Variants in FGF5 observed in about 807,000 individuals in gnomAD.
FGF5 encodes the protein heparin-binding growth factor 5.
Under a neutral mutation model 21.8 loss-of-function variants are expected in FGF5, and 23 were observed. The ratio of observed to expected loss-of-function variants is 1.05; its 90% CI spans 0.76 to 1.49. The LOEUF is 1.49. FGF5 is among the 40% of genes most tolerant of loss of function. FGF5 has a pLI of 0.00. For missense variants in FGF5, 352 were observed against 332.9 expected (o/e 1.06, Z -0.45); for synonymous variants, 158 against 124.0 (o/e 1.27, Z -1.82).
At chr4:80,268,435 C>T (rs35727005) in intron 1 of FGF5, 76,917 of 970,412 alleles carry the variant, frequency 0.079, 3,287 homozygotes, top group Non-Finnish European at 0.087. Flanking sequence ...CTAACTTGCT[C>T]CATCTCAGAC....
chr4:80,271,016 A>G (rs1165365535), intron 1 of FGF5, among the ~76,000 whole-genome samples: 2 of 152,246 alleles, frequency 1.3e-5, no homozygotes, highest in Non-Finnish European at 2.9e-5. Context: ...TTCAGATTTC[A>G]TAACTTGGCA....
At chr4:80,282,785 G>A (rs181409212) in intron 2 of FGF5, among the ~76,000 whole-genome samples, 1 of 151,180 alleles carries the variant, frequency 6.6e-6, no homozygotes, top group Non-Finnish European at 1.5e-5. Flanking sequence ...AATTTCAGGG[G>A]TTTTTTTTCT....
rs1720855145 is a variant in FGF5 at position 80,290,269 on chromosome 4, A to T, written c.*3597A>T. 6.6e-6 allele frequency: 1 copy of T among 152,220 alleles called. No homozygotes were observed. The allele number at this position is 152,220 out of a possible 1,614,324, so 9.4% of individuals were successfully genotyped here. On this transcript the variant is annotated 3_prime_UTR_variant, in exon 3 of 3. Transcript: ENST00000312465. ...TACATCTAAATTCTGATAATTTAAA[A>T]TCCATTTTAGGTGATAAAATTTTTT...
In FGF5 at chr4:80,279,283, A is replaced by T. The variant is rs186015802; in HGVS notation, c.459+4271A>T. Among the ~76,000 whole-genome samples, 298 of 152,372 alleles carry T rather than the reference A, an allele frequency of 2.0e-3. 1 individual carries two copies. The highest frequency in any genetic ancestry group is 3.7e-3 in the Admixed American group (57 of 15,302). ...AATTAAAGTCACAATCTATTGGGAT[A>T]GTTAAGTGTTTTAAACAAGATAATA... is the stretch of plus-strand genomic sequence containing the variant. On this transcript the variant is annotated intron_variant, in intron 2 of 2. Transcript: ENST00000312465.
chr4:80,271,475 C>T (rs1251070924), intron 1 of FGF5, among the ~76,000 whole-genome samples: 1 of 152,138 alleles, frequency 6.6e-6, no homozygotes, highest in Non-Finnish European at 1.5e-5. Context: ...AAATAACACA[C>T]TGTCTGTAGC....
intron 2 of FGF5, among the ~76,000 whole-genome samples, chr4:80,281,570 G>C (rs1315058552): frequency 1.3e-5 from 2 of 152,040 alleles, no homozygotes; most frequent in Admixed American, 6.6e-5. Context: ...GGTTTATACT[G>C]GTGTCTGTTC....
rs1028201656 is a variant in FGF5 at position 80,266,908 on chromosome 4, C to T, written c.84C>T (p.Pro28=). 11 of 1,614,048 alleles carry T rather than the reference C, an allele frequency of 6.8e-6. No individual in the cohort carries two copies. The South Asian group carries it at 8.8e-5, about 13-fold the overall frequency. The part of the protein sequence containing the change: ...AWAHGEKRLA[P]KGQPGPAATD... ...CTCACGGGGAGAAGCGTCTCGCCCC[C>T]AAAGGGCAACCCGGACCCGCTGCCA... The change falls in exon 1 of 3, where the codon CCC becomes CCT. Residue 28 remains proline, a synonymous_variant. Coordinates refer to ENST00000312465, the MANE Select transcript of FGF5 (RefSeq NM_004464.4).
intron 2 of FGF5, among the ~76,000 whole-genome samples, chr4:80,280,388 T>A (rs1307188448): frequency 6.6e-6 from 1 of 152,212 alleles, no homozygotes; most frequent in African/African-American, 2.4e-5. Context: ...AAGTGAGACA[T>A]GGTAATATAT....
intron 1 of FGF5, among the ~76,000 whole-genome samples, chr4:80,267,978 A>G (rs879710078): frequency 6.6e-6 from 1 of 152,234 alleles, no homozygotes; most frequent in Admixed American, 6.5e-5. Flanking sequence ...CCCCAAGAAC[A>G]GTTAGGGGAA....
chr4:80,270,330 CAT>C (rs2109917443), intron 1 of FGF5, among the ~76,000 whole-genome samples: 1 of 151,570 alleles, frequency 6.6e-6, no homozygotes, highest in East Asian at 1.9e-4. Flanking sequence ...AACAGATAAT[CAT>C]ATGTGTTTCG....
At chr4:80,267,201 A>C in intron 1 of FGF5, 22 bp downstream of exon 1, 1 of 1,564,140 alleles carries the variant, frequency 6.4e-7, no homozygotes, top group East Asian at 2.3e-5. Context: ...GCTCTCCTAC[A>C]AAACCCGTCC....
At position 80,290,542 on chromosome 4, in the gene FGF5, T is replaced by G. The variant is rs1228862366; in HGVS notation, c.*3870T>G. On this transcript the variant is annotated 3_prime_UTR_variant, in exon 3 of 3. Coordinates refer to ENST00000312465, the MANE Select transcript of FGF5 (RefSeq NM_004464.4). ...TACATCTAAGAATTTTTTTTTAAAT[T>G]TTATTATTATTATACTTCAAGTTCT... The G allele has an allele frequency of 6.6e-6, 1 of 151,912 alleles. No individual in the cohort carries two copies. The highest frequency in any genetic ancestry group is 2.4e-5 in the African/African-American group (1 of 41,354). 9.4% of individuals were successfully genotyped at this position (151,912 alleles called of 1,614,324 possible).
chr4:80,285,981 A>G (rs1720702210), intron 2 of FGF5, among the ~76,000 whole-genome samples: 1 of 152,170 alleles, frequency 6.6e-6, no homozygotes, highest in African/African-American at 2.4e-5. Context: ...GAAAAACAGT[A>G]TGTAAAAAGA....
chr4:80,271,949 G>C (rs1041526665), intron 1 of FGF5, among the ~76,000 whole-genome samples: 9 of 152,166 alleles, frequency 5.9e-5, no homozygotes, highest in African/African-American at 1.9e-4. Context: ...AAATCAATAG[G>C]CCTGTGATGT....
chr4:80,266,642 C>T (rs908474676), upstream of FGF5: 2 of 591,252 alleles, frequency 3.4e-6, no homozygotes, highest in African/African-American at 3.7e-5. Context: ...TTATAAATAT[C>T]CCGGTGCCAG....
At chr4:80,268,882 A>G (rs1720191554) in intron 1 of FGF5, among the ~76,000 whole-genome samples, 1 of 152,264 alleles carries the variant, frequency 6.6e-6, no homozygotes, top group Non-Finnish European at 1.5e-5. Context: ...GATAAAGGGC[A>G]AGATCTGTTG....
At chr4:80,283,598 C>A in intron 2 of FGF5, among the ~76,000 whole-genome samples, 1 of 152,056 alleles carries the variant, frequency 6.6e-6, no homozygotes. Flanking sequence ...CATGTTCTTT[C>A]TTTATTTTCT....
intron 2 of FGF5, among the ~76,000 whole-genome samples, chr4:80,282,831 A>G (rs1054843062): frequency 2.6e-5 from 4 of 152,162 alleles, no homozygotes; most frequent in Admixed American, 1.3e-4. Context: ...TTAAAAGTGT[A>G]TATTTTATTA....
chr4:80,282,200 G>T (rs1330036197), intron 2 of FGF5, among the ~76,000 whole-genome samples: 4 of 152,116 alleles, frequency 2.6e-5, no homozygotes, highest in Admixed American at 6.6e-5. Context: ...GACCTCAAAA[G>T]ATCCACCCGC....
Sources: allele counts gnomAD v4.1 joint callset (sites outside exome capture counted in the v4.1 genomes callset), GRCh38; gene constraint gnomAD v4.1.1; transcripts MANE v1.5; gene names NCBI Gene and HGNC (gene_info 2026-07-23, HGNC 2026-07-21).